MAGI1: variants seen among roughly 807,000 people sequenced by gnomAD.
MAGI1 encodes membrane associated guanylate kinase, WW and PDZ domain containing 1, also known as membrane-associated guanylate kinase, WW and PDZ domain-containing protein 1.
A neutral mutation model predicts 139.9 loss-of-function variants in MAGI1; 58 were observed. That is an observed-to-expected ratio of 0.41 (90% confidence interval 0.34 to 0.52). The LOEUF (loss-of-function observed/expected upper bound fraction) is 0.52. Ranked by LOEUF, MAGI1 falls within the 20% of genes least tolerant of loss-of-function variation. The pLI, the probability that MAGI1 is intolerant of heterozygous loss-of-function variation, is 0.12. For missense variants in MAGI1, 1,874 were observed against 1,901.6 expected, an observed-to-expected ratio of 0.99 and a Z score of 0.27; for synonymous variants, 812 against 737.9, an observed-to-expected ratio of 1.10 and a Z score of -1.63.
At position 65,387,105 on chromosome 3, in the gene MAGI1, T is replaced by C. The variant is rs767112336; in HGVS notation, c.2417-3482A>G. 110 of 1,558,756 alleles carry C rather than the reference T, an allele frequency of 7.1e-5. No individual in the cohort carries two copies. In the South Asian group the frequency reaches 8.2e-4, roughly 12 times the overall value. On this transcript the variant is annotated intron_variant, in intron 14 of 22. Transcript: ENST00000402939. Reference sequence around the variant, plus strand: ...CAATGAGAACATCAAACAAGATGAATGAAAACGGAGAGACAAAAGTTTTCA... The same window carrying C: ...CAATGAGAACATCAAACAAGATGAACGAAAACGGAGAGACAAAAGTTTTCA...
At chr3:65,797,764 C>T (rs1324629925) in intron 1 of MAGI1, among the ~76,000 whole-genome samples, 2 of 152,010 alleles carry the variant, frequency 1.3e-5, no homozygotes, top group Admixed American at 1.3e-4. Flanking sequence ...AATATTTTAA[C>T]CAATATTAAT....
At chr3:65,591,060 A>C (rs1345346927) in intron 2 of MAGI1, among the ~76,000 whole-genome samples, 2 of 152,196 alleles carry the variant, frequency 1.3e-5, no homozygotes, top group Non-Finnish European at 2.9e-5. Flanking sequence ...TACGTGTGCA[A>C]GGATGTTCCT....
chr3:66,024,102 T>C (rs781440179), intron 1 of MAGI1, among the ~76,000 whole-genome samples: 6 of 151,940 alleles, frequency 3.9e-5, no homozygotes, highest in Non-Finnish European at 5.9e-5. Context: ...GTCAGTATCC[T>C]GGGCCCTGAG....
intron 1 of MAGI1, among the ~76,000 whole-genome samples, chr3:65,833,292 T>C (rs1025988494): frequency 6.6e-6 from 1 of 152,092 alleles, no homozygotes; most frequent in Non-Finnish European, 1.5e-5. Flanking sequence ...CTAATTTTTG[T>C]AGTTTTAGTA....
intron 1 of MAGI1, among the ~76,000 whole-genome samples, chr3:65,631,597 T>C (rs1340869756): frequency 6.6e-6 from 1 of 152,186 alleles, no homozygotes; most frequent in East Asian, 1.9e-4. Context: ...ACAAAAAATG[T>C]TTAAGGCCCT....
At chr3:65,971,824 C>T (rs981348116) in intron 1 of MAGI1, among the ~76,000 whole-genome samples, 1 of 152,150 alleles carries the variant, frequency 6.6e-6, no homozygotes, top group African/African-American at 2.4e-5. Context: ...TGACCAAGGA[C>T]CAGAACCAGT....
chr3:65,621,505 T>C (rs2083664666), intron 2 of MAGI1, among the ~76,000 whole-genome samples: 1 of 152,184 alleles, frequency 6.6e-6, no homozygotes, highest in Admixed American at 6.5e-5. Flanking sequence ...AGGAGAACCC[T>C]GGGAAGGAAG....
intron 1 of MAGI1, among the ~76,000 whole-genome samples, chr3:65,632,071 T>C (rs76394881): frequency 0.051 from 7,717 of 151,934 alleles, 390 homozygotes; most frequent in African/African-American, 0.13. Flanking sequence ...AAAACAACTA[T>C]TATACATAAT....
chr3:65,575,347 G>C (rs1372971015), intron 2 of MAGI1, among the ~76,000 whole-genome samples: 1 of 152,038 alleles, frequency 6.6e-6, no homozygotes, highest in African/African-American at 2.4e-5. Context: ...TATACTATTA[G>C]AAAGGTTAAA....
At chr3:65,423,228 A>T (rs7641955) in intron 12 of MAGI1, among the ~76,000 whole-genome samples, 1,585 of 152,332 alleles carry the variant, frequency 0.01, 12 homozygotes, top group Non-Finnish European at 0.017. Flanking sequence ...GCACTTAAGC[A>T]GTACAATGTA....
At chr3:65,579,867 C>T (rs1056264003) in intron 2 of MAGI1, among the ~76,000 whole-genome samples, 3 of 151,000 alleles carry the variant, frequency 2.0e-5, no homozygotes, top group African/African-American at 2.4e-5. Context: ...AAAAAACTCG[C>T]TCAGTATCAT....
chr3:65,887,771 G>A, intron 1 of MAGI1, among the ~76,000 whole-genome samples: 1 of 152,130 alleles, frequency 6.6e-6, no homozygotes. Context: ...ATGTCTTAAA[G>A]CTTTCAAGAC....
chr3:65,654,406 T>G (rs1206923380), intron 1 of MAGI1, among the ~76,000 whole-genome samples: 1 of 152,214 alleles, frequency 6.6e-6, no homozygotes, highest in Non-Finnish European at 1.5e-5. Flanking sequence ...TATTAGTGCC[T>G]GTGTGCCGTT....
At chr3:65,681,708 C>T (rs2087602544) in intron 1 of MAGI1, among the ~76,000 whole-genome samples, 1 of 152,220 alleles carries the variant, frequency 6.6e-6, no homozygotes, top group Admixed American at 6.5e-5. Flanking sequence ...ATAACAAGTA[C>T]TTTCCATATC....
intron 2 of MAGI1, among the ~76,000 whole-genome samples, chr3:65,537,625 A>G (rs1215221523): frequency 1.3e-5 from 2 of 152,184 alleles, no homozygotes; most frequent in Non-Finnish European, 2.9e-5. Flanking sequence ...TATACCTTGC[A>G]ATAAAAACAA....
intron 1 of MAGI1, among the ~76,000 whole-genome samples, chr3:65,718,827 T>A (rs1189751788): frequency 6.6e-6 from 1 of 152,124 alleles, no homozygotes; most frequent in Non-Finnish European, 1.5e-5. Context: ...TCATGAGGCA[T>A]CCTTTACAGA....
chr3:65,462,171 T>C (rs1949841294), intron 5 of MAGI1, among the ~76,000 whole-genome samples: 1 of 152,198 alleles, frequency 6.6e-6, no homozygotes, highest in Non-Finnish European at 1.5e-5. Context: ...GCTTTTGGTG[T>C]TTTAGTCATG....
intron 1 of MAGI1, among the ~76,000 whole-genome samples, chr3:65,950,965 AAGGAAGGAAG>A (rs2063812433): frequency 1.9e-4 from 1 of 5,266 alleles, no homozygotes; most frequent in East Asian, 0.062. Flanking sequence ...AAAGAGAAGG[AAGGAAGGAAG>A]GAAGGAAGGA....
At chr3:65,540,353 C>T (rs1396463710) in intron 2 of MAGI1, among the ~76,000 whole-genome samples, 1 of 152,098 alleles carries the variant, frequency 6.6e-6, no homozygotes, top group Non-Finnish European at 1.5e-5. Context: ...CACTTCCTGG[C>T]ATTTTATATT....
Sources: gnomAD v4.1 joint callset for allele counts (sites outside exome capture counted in the v4.1 genomes callset) on GRCh38, gnomAD v4.1.1 for gene constraint, MANE v1.5 for transcripts, NCBI Gene and HGNC (gene_info 2026-07-23, HGNC 2026-07-21) for gene names.